The following DCAF12 variants were observed in gnomAD, a reference collection of about 807,000 sequenced individuals.
The protein encoded by DCAF12 is DDB1- and CUL4-associated factor 12.
Under a neutral mutation model 52.8 loss-of-function variants are expected in DCAF12, and 28 were observed. The ratio of observed to expected loss-of-function variants is 0.53; its 90% confidence interval spans 0.39 to 0.73. The LOEUF is 0.73. DCAF12 is among the 30% of genes least tolerant of loss of function. The probability of loss-of-function intolerance (pLI) is 0.00; values close to 1 mark genes in which losing one functional copy is unlikely to be tolerated. For missense variants in DCAF12, 425 were observed against 552.2 expected (o/e 0.77, Z 2.31); for synonymous variants, 196 against 215.5 (o/e 0.91, Z 0.79).
At chr9:34,111,586 C>T (rs970395625) in intron 2 of DCAF12, among the ~76,000 whole-genome samples, 1 of 152,206 alleles carries the variant, frequency 6.6e-6, no homozygotes, top group Non-Finnish European at 1.5e-5. Flanking sequence ...TTTCAGAGGG[C>T]CTGCCCAACT....
Position 34,098,376 on chromosome 9 carries a change from G to C in DCAF12, c.743C>G (p.Thr248Arg). 7 of 1,614,242 alleles carry C rather than the reference G, an allele frequency of 4.3e-6. No individual in the cohort carries two copies. Among genetic ancestry groups the C allele is most frequent in the South Asian group, 1.1e-5 (1 of 91,088 alleles). ...CCGAACCTTGCAGTTGTCAGGGTTTGTGTCTTCTTTGGGGATGTCCTTTAA... is the reference window on the plus strand; with the variant it reads ...CCGAACCTTGCAGTTGTCAGGGTTTCTGTCTTCTTTGGGGATGTCCTTTAA... ...KALKDIPKEDTNPDNCKVRAL... is the reference protein window; with the variant it reads ...KALKDIPKEDRNPDNCKVRAL... Residue 248 changes from threonine to arginine, a missense_variant, in exon 5 of 9, where the codon ACA becomes AGA. Physicochemically the swap from Thr to Arg is moderately conservative, Grantham distance 71. Around this residue, in one of 3 missense-constraint regions of DCAF12, gnomAD observed 328 missense variants for 444.4 expected, o/e 0.74. Transcript: ENST00000361264.
Position 34,126,397 on chromosome 9 carries a change from G to T in DCAF12, c.35C>A (p.Ala12Glu). ...GCTCCCAGCTCCCGGCGAGGCGGGC[G>T]CTTTCCGCTTCCTGCTAACTACTTT... ...ARKVVSRKRK[A>E]PASPGAGSDA... Residue 12 changes from alanine to glutamate, a missense_variant, in exon 1 of 9, where the codon GCG becomes GAG. Ala to Glu is a moderately radical substitution (Grantham distance 107). This residue lies in a region of DCAF12 where 89 missense variants were observed against 84.9 expected (regional missense o/e 1.05). Coordinates refer to ENST00000361264, the MANE Select transcript of DCAF12 (RefSeq NM_015397.4). The T allele has an allele frequency of 6.2e-7, 1 of 1,610,366 alleles. No individual in the cohort carries two copies.
rs371492912 is a variant in DCAF12 at position 34,126,470 on chromosome 9, C to T, written c.-39G>A. 1.1e-5 allele frequency: 17 copies of T among 1,591,138 alleles called. No homozygotes were observed. In the Admixed American group the frequency reaches 2.6e-4, roughly 24 times the overall value. ...GCCGCGGCCCCGCAGCCACATGGGGCGGGGGAAGCGAAGGATAGCAGGACG... is the reference window on the plus strand; with the variant it reads ...GCCGCGGCCCCGCAGCCACATGGGGTGGGGGAAGCGAAGGATAGCAGGACG... On this transcript the variant is annotated 5_prime_UTR_variant, in exon 1 of 9. Transcript: ENST00000361264.
intron 7 of DCAF12, among the ~76,000 whole-genome samples, chr9:34,090,751 T>G (rs1170195555): frequency 6.6e-6 from 1 of 151,840 alleles, no homozygotes; most frequent in Non-Finnish European, 1.5e-5. Context: ...ACCTCCCAGA[T>G]TCAAGTGATT....
chr9:34,115,593 G>C (rs1318204028), intron 2 of DCAF12, among the ~76,000 whole-genome samples: 1 of 142,038 alleles, frequency 7.0e-6, no homozygotes, highest in African/African-American at 2.5e-5. Flanking sequence ...GCAAGACTTC[G>C]TCTCAAAAAA....
At chr9:34,115,944 C>T (rs1829082075) in intron 2 of DCAF12, among the ~76,000 whole-genome samples, 1 of 152,104 alleles carries the variant, frequency 6.6e-6, no homozygotes, top group Non-Finnish European at 1.5e-5. Flanking sequence ...TGAATTAATT[C>T]CCTATTATTG....
chr9:34,101,492 A>G (rs1203806744), intron 4 of DCAF12, among the ~76,000 whole-genome samples: 1 of 151,936 alleles, frequency 6.6e-6, no homozygotes, highest in Non-Finnish European at 1.5e-5. Flanking sequence ...TACTGGGTTC[A>G]AGTGATTCTC....
In DCAF12 at chr9:34,086,995, A is replaced by G. The variant is rs1243060831; in HGVS notation, c.*1355T>C. ...GCTGTTATCTTTGACATGATGTGTA[A>G]AAATCAGGGAACAAGTGGACATCAC... On this transcript the variant is annotated 3_prime_UTR_variant, in exon 9 of 9. Transcript: ENST00000361264. The G allele has an allele frequency of 2.0e-5, 3 of 152,214 alleles. No individual in the cohort carries two copies. The highest frequency in any genetic ancestry group is 4.4e-5 in the Non-Finnish European group (3 of 68,050). The allele number at this position is 152,214 out of a possible 1,614,324, so 9.4% of individuals were successfully genotyped here. A position where few individuals can be genotyped will look rare whatever the true frequency, so the allele number is the denominator to read the frequency against.
Position 34,126,528 on chromosome 9 carries a change from C to A in DCAF12, c.-97G>T. The A allele has an allele frequency of 7.4e-7, 1 of 1,347,612 alleles. No homozygotes were observed. Among genetic ancestry groups the A allele is most frequent in the Non-Finnish European group, 9.9e-7 (1 of 1,013,560 alleles). 83.5% of individuals were successfully genotyped at this position (1,347,612 alleles called of 1,614,324 possible). ...ATATACTGGGCCCCGGGGCCGCGCA[C>A]CTTAGTGCGCCCGGCCCGGAAAATG... On this transcript the variant is annotated 5_prime_UTR_variant, in exon 1 of 9. Coordinates refer to ENST00000361264, the MANE Select transcript of DCAF12 (RefSeq NM_015397.4).
intron 2 of DCAF12, among the ~76,000 whole-genome samples, chr9:34,124,427 T>A (rs1468034241): frequency 1.3e-5 from 2 of 152,258 alleles, no homozygotes; most frequent in African/African-American, 4.8e-5. Flanking sequence ...TTTCACTTCA[T>A]TCATTTATAA....
intron 2 of DCAF12, among the ~76,000 whole-genome samples, chr9:34,108,806 T>TAA (rs1313673510): frequency 7.7e-6 from 1 of 129,942 alleles, no homozygotes; most frequent in African/African-American, 2.7e-5. Context: ...AAAAAATAAA[T>TAA]AAATAAATAT....
intron 2 of DCAF12, among the ~76,000 whole-genome samples, chr9:34,111,704 C>A (rs543738744): frequency 3.9e-5 from 6 of 152,140 alleles, no homozygotes; most frequent in South Asian, 4.1e-4. Context: ...AGTTTCAGGA[C>A]AATCAGTCCA....
intron 2 of DCAF12, among the ~76,000 whole-genome samples, chr9:34,117,464 T>G (rs914251799): frequency 6.6e-6 from 1 of 152,008 alleles, no homozygotes; most frequent in African/African-American, 2.4e-5. Context: ...ATCCTTGATT[T>G]TGGAGGTCTC....
At chr9:34,093,168 A>G (rs1247313401) in intron 7 of DCAF12, 118 bp downstream of exon 7, 7 of 1,318,012 alleles carry the variant, frequency 5.3e-6, no homozygotes, top group Non-Finnish European at 7.3e-6. Context: ...CTTTTTGAAC[A>G]CACTTCCAAA....
rs370434786 is a variant in DCAF12, at chr9:34,088,691, G to T, written c.1204-183C>A. Reference sequence around the variant, plus strand: ...CAGGGCCTCATTTTTCCAACTAAACGTTAGAGAAGAACGGAGCAGCTGAAG... The same window carrying T: ...CAGGGCCTCATTTTTCCAACTAAACTTTAGAGAAGAACGGAGCAGCTGAAG... On this transcript the variant is annotated intron_variant, in intron 8 of 8. Coordinates refer to ENST00000361264, the MANE Select transcript of DCAF12 (RefSeq NM_015397.4). Among the ~76,000 whole-genome samples, 19 of 152,282 alleles carry T rather than the reference G, an allele frequency of 1.2e-4. No individual in the cohort carries two copies. The East Asian group carries it at 3.5e-3, about 28-fold the overall frequency.
Position 34,091,746 on chromosome 9 carries a change from CCA to C in DCAF12, c.1024+1538_1024+1539del, listed in dbSNP as rs1828648463. On this transcript the variant is annotated intron_variant, in intron 7 of 8. Coordinates refer to ENST00000361264, the MANE Select transcript of DCAF12 (RefSeq NM_015397.4). ...TGAAAAAGAGAGGGTGAACTGCAAT[CCA>C]CAGTGTGCCTTTTAGGACTCTCAGG... 2.6e-5 allele frequency among the ~76,000 whole-genome samples: 4 copies of C among 151,996 alleles called. No homozygotes were observed. In the South Asian group the frequency reaches 6.2e-4, roughly 24 times the overall value.
intron 2 of DCAF12, among the ~76,000 whole-genome samples, chr9:34,108,462 T>G (rs948304241): frequency 6.6e-6 from 1 of 152,116 alleles, no homozygotes. Flanking sequence ...ACACAGAAGA[T>G]ATATGAAAGG....
At chr9:34,095,352 C>T (rs972450091) in intron 6 of DCAF12, among the ~76,000 whole-genome samples, 4 of 138,298 alleles carry the variant, frequency 2.9e-5, no homozygotes, top group Admixed American at 7.6e-5. Context: ...GGATTATAGG[C>T]GTGAACCACC....
chr9:34,110,985 G>GGT (rs1336969337), intron 2 of DCAF12, among the ~76,000 whole-genome samples: 1 of 125,958 alleles, frequency 7.9e-6, no homozygotes, highest in Non-Finnish European at 1.7e-5. Flanking sequence ...ATTCTTTTCT[G>GGT]TTTTTTTTTT....
Sources: allele counts gnomAD v4.1 joint callset (sites outside exome capture counted in the v4.1 genomes callset), GRCh38; gene constraint gnomAD v4.1.1; regional missense constraint gnomAD v4.1.1; transcripts MANE v1.5; gene names NCBI Gene and HGNC (gene_info 2026-07-23, HGNC 2026-07-21).